SLC35F1: variants seen among roughly 807,000 people sequenced by gnomAD.
SLC35F1 encodes chromosome 6 open reading frame 169.
Under a neutral mutation model 48.7 loss-of-function variants are expected in SLC35F1, and 14 were observed. The ratio of observed to expected loss-of-function variants is 0.29; its 90% CI spans 0.19 to 0.45. The LOEUF (loss-of-function observed/expected upper bound fraction) is 0.45. SLC35F1 is among the 20% of genes least tolerant of loss of function. The pLI is 1.00. For missense variants in SLC35F1, 404 were observed against 500.0 expected, an observed-to-expected ratio of 0.81 and a Z score of 1.83; for synonymous variants, 190 against 202.2, an observed-to-expected ratio of 0.94 and a Z score of 0.51.
chr6:118,182,564 A>AAGGAAGGAAGGAAGGAAGG (rs1562317879), intron 2 of SLC35F1, among the ~76,000 whole-genome samples: 5 of 60,612 alleles, frequency 8.2e-5, no homozygotes, highest in Non-Finnish European at 2.1e-4. Context: ...AGGAAGGAAG[A>AAGGAAGGAAGGAAGGAAGG]AAAAAAGAAA....
chr6:118,111,598 C>CT (rs1773401444), intron 1 of SLC35F1, among the ~76,000 whole-genome samples: 1 of 152,072 alleles, frequency 6.6e-6, no homozygotes, highest in African/African-American at 2.4e-5. Flanking sequence ...ATTAGAAGTT[C>CT]TTCAGAGAGA....
chr6:118,285,299 G>T lies in SLC35F1; in HGVS notation c.963G>T (p.Leu321Phe). The T allele has an allele frequency of 1.2e-6, 2 of 1,613,986 alleles. No homozygotes were observed. The highest frequency in any genetic ancestry group is 1.7e-6 in the Non-Finnish European group (2 of 1,179,886). The change falls in exon 7 of 8, where the codon TTG (leucine) becomes TTT (phenylalanine). Residue 321 changes from leucine to phenylalanine, a missense_variant. Transcript: ENST00000360388. ...ACCTCTCCTTGCTCACAGCAGACTT[G>T]TACAGCCTGTTCTGTGGATTGTTTC... ...SVNLSLLTAD[L>F]YSLFCGLFLF...
intron 2 of SLC35F1, among the ~76,000 whole-genome samples, chr6:118,182,563 G>GGAAGGAA (rs71012385): frequency 6.8e-6 from 1 of 147,822 alleles, no homozygotes; most frequent in Non-Finnish European, 1.5e-5. Flanking sequence ...AAGGAAGGAA[G>GGAAGGAA]AAAAAAAGAA....
chr6:117,909,727 C>T (rs574409357), intron 1 of SLC35F1, among the ~76,000 whole-genome samples: 1 of 152,282 alleles, frequency 6.6e-6, no homozygotes, highest in African/African-American at 2.4e-5. Flanking sequence ...GTATTCAACT[C>T]ATTTTTTTTC....
intron 2 of SLC35F1, among the ~76,000 whole-genome samples, chr6:118,226,075 A>T (rs937101508): frequency 3.3e-5 from 5 of 152,232 alleles, no homozygotes; most frequent in African/African-American, 1.2e-4. Context: ...CTAAAAACAC[A>T]TTTCTCAAAA....
intron 2 of SLC35F1, among the ~76,000 whole-genome samples, chr6:118,195,252 G>A (rs932932196): frequency 6.6e-6 from 1 of 152,196 alleles, no homozygotes; most frequent in African/African-American, 2.4e-5. Flanking sequence ...GATCAGGATA[G>A]TAACTAAGAT....
intron 1 of SLC35F1, chr6:117,999,283 G>A (rs1279963134): frequency 6.3e-7 from 1 of 1,596,288 alleles, no homozygotes; most frequent in East Asian, 2.2e-5. Context: ...CCCACCCCAA[G>A]CTTGGGAAGC....
At chr6:118,310,124 A>C (rs1776356375) in intron 7 of SLC35F1, among the ~76,000 whole-genome samples, 1 of 152,254 alleles carries the variant, frequency 6.6e-6, no homozygotes, top group South Asian at 2.1e-4. Context: ...TCTGCGGCAC[A>C]GAACAAACAG....
intron 5 of SLC35F1, 143 bp from the exon 6 acceptor site, chr6:118,277,351 T>G: frequency 1.3e-6 from 1 of 741,598 alleles, no homozygotes; most frequent in Non-Finnish European, 2.3e-6. Flanking sequence ...GACTTGCTTC[T>G]GCATGACCCA....
At chr6:118,159,713 G>A (rs1452719357) in intron 2 of SLC35F1, among the ~76,000 whole-genome samples, 1 of 152,150 alleles carries the variant, frequency 6.6e-6, no homozygotes, top group Non-Finnish European at 1.5e-5. Flanking sequence ...TAAGAAATGT[G>A]ACAGACTTTT....
chr6:118,116,743 A>G (rs1773481111), intron 1 of SLC35F1, among the ~76,000 whole-genome samples: 1 of 152,162 alleles, frequency 6.6e-6, no homozygotes. Context: ...ACTTGCTCAA[A>G]CAAGCAGTCT....
intron 1 of SLC35F1, among the ~76,000 whole-genome samples, chr6:118,014,478 G>A (rs559755199): frequency 1.2e-4 from 18 of 152,276 alleles, no homozygotes; most frequent in Non-Finnish European, 2.2e-4. Context: ...CAGACAGAAA[G>A]TGTACACTGG....
At chr6:117,977,251 C>T (rs1425061303) in intron 1 of SLC35F1, among the ~76,000 whole-genome samples, 1 of 150,228 alleles carries the variant, frequency 6.7e-6, no homozygotes, top group African/African-American at 2.5e-5. Flanking sequence ...GGCTGGAGTG[C>T]AATGGTGCGA....
rs72955879 is a variant in SLC35F1, at chr6:117,927,179, A to G, written c.173+19280A>G. ...TATAGTTCTTGGCACCATGCCTGAA[A>G]CATATTAGTCATTATAATGATTAAT... On this transcript the variant is annotated intron_variant, in intron 1 of 7. Transcript: ENST00000360388. Among the ~76,000 whole-genome samples, 1,076 of 152,320 alleles carry G rather than the reference A, an allele frequency of 7.1e-3. 7 individuals are homozygous for G. The highest frequency in any genetic ancestry group is 0.011 in the Non-Finnish European group (760 of 68,022).
In SLC35F1 at chr6:118,264,448, CTCT is replaced by C. The variant is rs549067283; in HGVS notation, c.478-2542_478-2540del. 1.2e-3 allele frequency among the ~76,000 whole-genome samples: 176 copies of C among 151,966 alleles called. 4 individuals carry two copies. In the South Asian group the frequency reaches 0.02, roughly 17 times the overall value. On this transcript the variant is annotated intron_variant, in intron 3 of 7. Transcript: ENST00000360388. ...TTATGATTATATTCTTCTTTCCCTT[CTCT>C]TCTTTCTAAAAGTTTGCACTTACCC...
chr6:117,975,567 A>G (rs1776695348), intron 1 of SLC35F1, among the ~76,000 whole-genome samples: 1 of 152,180 alleles, frequency 6.6e-6, no homozygotes, highest in Non-Finnish European at 1.5e-5. Flanking sequence ...CAGATGTGAA[A>G]TTACTATAGT....
intron 4 of SLC35F1, among the ~76,000 whole-genome samples, chr6:118,274,609 G>A (rs1775897019): frequency 6.6e-6 from 1 of 152,092 alleles, no homozygotes; most frequent in Non-Finnish European, 1.5e-5. Context: ...TATTGGCCAG[G>A]CTGGTCTCGA....
chr6:118,021,557 A>G (rs1018433904), intron 1 of SLC35F1, among the ~76,000 whole-genome samples: 1 of 152,154 alleles, frequency 6.6e-6, no homozygotes, highest in Non-Finnish European at 1.5e-5. Context: ...TGTTGTTCTC[A>G]TCTATTCAAT....
chr6:118,150,009 A>G (rs1045122083), intron 1 of SLC35F1, among the ~76,000 whole-genome samples: 1 of 152,140 alleles, frequency 6.6e-6, no homozygotes, highest in Non-Finnish European at 1.5e-5. Context: ...AGTATAGCAT[A>G]ATAATTAAAA....
Sources: allele counts gnomAD v4.1 joint callset (sites outside exome capture counted in the v4.1 genomes callset), GRCh38; gene constraint gnomAD v4.1.1; transcripts MANE v1.5; gene names NCBI Gene and HGNC (gene_info 2026-07-23, HGNC 2026-07-21).